The following SCAMP5 variants were observed in gnomAD, a reference collection of about 807,000 sequenced individuals.
SCAMP5 encodes secretory carrier membrane protein 5.
SCAMP5 carries 7 observed loss-of-function variants against 28.3 expected under a neutral mutation model. The ratio of observed to expected loss-of-function variants is 0.25; its 90% CI spans 0.14 to 0.46. SCAMP5 has a LOEUF of 0.46. Among genes scored for constraint, SCAMP5 ranks in the 20% least tolerant of loss-of-function variants. The pLI, the probability that SCAMP5 is intolerant of heterozygous loss-of-function variation, is 0.99. For missense variants in SCAMP5, 192 were observed against 312.5 expected, an observed-to-expected ratio of 0.61 and a Z score of 2.91; for synonymous variants, 117 against 116.4, an observed-to-expected ratio of 1.00 and a Z score of -0.03.
intron 1 of SCAMP5, among the ~76,000 whole-genome samples, chr15:75,003,234 A>C (rs1189332126): frequency 6.6e-6 from 1 of 152,170 alleles, no homozygotes; most frequent in Non-Finnish European, 1.5e-5. Flanking sequence ...GCAAATTGGC[A>C]ATGTTTTTTC....
intron 1 of SCAMP5, among the ~76,000 whole-genome samples, chr15:74,997,956 G>A (rs925708404): frequency 6.6e-6 from 1 of 152,118 alleles, no homozygotes; most frequent in Admixed American, 6.5e-5. Flanking sequence ...GGTTGGCTCT[G>A]GGCAGCAAAA....
intron 3 of SCAMP5, among the ~76,000 whole-genome samples, chr15:75,014,557 G>A (rs542380304): frequency 1.3e-5 from 2 of 152,318 alleles, no homozygotes; most frequent in East Asian, 3.9e-4. Context: ...TCCTCATGGG[G>A]TCCCCTTTTT....
intron 1 of SCAMP5, among the ~76,000 whole-genome samples, chr15:75,006,906 C>T (rs900147903): frequency 2.6e-5 from 4 of 152,090 alleles, no homozygotes; most frequent in Non-Finnish European, 4.4e-5. Flanking sequence ...CATGCTGCTG[C>T]ACTCCAGCCT....
rs938405851 is a variant in SCAMP5, at chr15:75,020,604, C to G, written c.*1621C>G. 2.0e-5 allele frequency: 3 copies of G among 152,276 alleles called. No homozygotes were observed. Among genetic ancestry groups the G allele is most frequent in the African/African-American group, 7.2e-5 (3 of 41,436 alleles). 9.4% of individuals were successfully genotyped at this position (152,276 alleles called of 1,614,324 possible). ...TTTAGGCCCGTGGGGCTGTTCTGTT[C>G]CAAGCAGTGTGAGAACATGGCTGGT... On this transcript the variant is annotated 3_prime_UTR_variant, in exon 7 of 7. Transcript: ENST00000425597.
chr15:75,011,378 C>T (rs768711584), intron 1 of SCAMP5, among the ~76,000 whole-genome samples: 2 of 152,166 alleles, frequency 1.3e-5, no homozygotes, highest in Non-Finnish European at 2.9e-5. Context: ...CTGTCTCACT[C>T]ATTCTTCCAG....
intron 1 of SCAMP5, among the ~76,000 whole-genome samples, chr15:75,010,918 C>T (rs2065805628): frequency 6.6e-6 from 1 of 152,136 alleles, no homozygotes; most frequent in African/African-American, 2.4e-5. Flanking sequence ...ATTTAATTTC[C>T]CTGAGGCTGG....
At chr15:75,005,233 C>T (rs113042240) in intron 1 of SCAMP5, among the ~76,000 whole-genome samples, 3,396 of 151,644 alleles carry the variant, frequency 0.022, 114 homozygotes, top group African/African-American at 0.078. Context: ...GAGGCCAATG[C>T]AGGCAGATCA....
chr15:75,018,554 G>C lies in SCAMP5; in HGVS notation c.513+19G>C. 6.6e-7 allele frequency: 1 copy of C among 1,524,752 alleles called. No homozygotes were observed. Among genetic ancestry groups the C allele is most frequent in the South Asian group, 1.1e-5 (1 of 89,468 alleles). The allele number at this position is 1,524,752 out of a possible 1,614,324, so 94.5% of individuals were successfully genotyped here. A position where few individuals can be genotyped will look rare whatever the true frequency, so the allele number is the denominator to read the frequency against. The stretch of plus-strand genomic sequence containing the variant: ...CAGCATGGTACGTGGTCCCCTCAAG[G>C]GTGAGAAGGTGGCTTTGGGAAGGGG... On this transcript the variant is annotated intron_variant, in intron 6 of 6. Coordinates refer to ENST00000425597, the MANE Select transcript of SCAMP5 (RefSeq NM_138967.4). The surrounding 1 kb of genome is among the most constrained non-coding windows in gnomAD (Gnocchi z 5.6).
chr15:75,001,869 C>CAAAA (rs769760180), intron 1 of SCAMP5, among the ~76,000 whole-genome samples: 17 of 40,452 alleles, frequency 4.2e-4, no homozygotes, highest in East Asian at 1.2e-3. Flanking sequence ...GACTCGGTCT[C>CAAAA]AAAAAAAAAA....
chr15:75,000,281 T>C (rs2065691401), intron 1 of SCAMP5, among the ~76,000 whole-genome samples: 1 of 152,196 alleles, frequency 6.6e-6, no homozygotes, highest in South Asian at 2.1e-4. Flanking sequence ...TCATAGCTCA[T>C]TGTAGCATCC....
chr15:75,003,174 C>T (rs1241028954), intron 1 of SCAMP5, among the ~76,000 whole-genome samples: 2 of 152,204 alleles, frequency 1.3e-5, no homozygotes, highest in African/African-American at 2.4e-5. Context: ...CCGTCCATCT[C>T]GGCCTCTCAA....
chr15:75,019,019 A>T lies in SCAMP5; in HGVS notation c.*36A>T, dbSNP rs750242162. On this transcript the variant is annotated 3_prime_UTR_variant, in exon 7 of 7. Transcript: ENST00000425597. ...CCTACCAGGTGGCAGAGCTGGGGCC[A>T]TTGGGACAGGGGGCTCAAGCCACAT... The T allele has an allele frequency of 7.0e-7, 1 of 1,422,694 alleles. No homozygotes were observed. Among genetic ancestry groups the T allele is most frequent in the East Asian group, 2.5e-5 (1 of 40,134 alleles). 88.1% of individuals were successfully genotyped at this position (1,422,694 alleles called of 1,614,324 possible).
At chr15:75,017,994 G>T in intron 5 of SCAMP5, 23 bp downstream of exon 5, 8 of 1,453,722 alleles carry the variant, frequency 5.5e-6, no homozygotes, top group Non-Finnish European at 7.7e-6. Context: ...GGTGTGGCCT[G>T]GGGCTGGCAG....
At chr15:75,008,646 TATGCCATCATGCCTGGCTAA>T (rs1346876054) in intron 1 of SCAMP5, among the ~76,000 whole-genome samples, 2 of 152,034 alleles carry the variant, frequency 1.3e-5, no homozygotes, top group East Asian at 3.9e-4. Flanking sequence ...ATTACAGGCT[TATGCCATCATGCCTGGCTAA>T]TTTTTGTATT....
At chr15:75,000,034 G>A (rs148723998) in intron 1 of SCAMP5, among the ~76,000 whole-genome samples, 41 of 152,260 alleles carry the variant, frequency 2.7e-4, no homozygotes, top group African/African-American at 8.4e-4. Flanking sequence ...TTCTATATAC[G>A]TTAAAAATGA....
chr15:75,005,044 G>A (rs1159258014), intron 1 of SCAMP5, among the ~76,000 whole-genome samples: 8 of 151,876 alleles, frequency 5.3e-5, no homozygotes, highest in Non-Finnish European at 1.0e-4. Context: ...GTGTGGTGGC[G>A]TGCGCCTGTA....
In SCAMP5 at chr15:75,019,140, T is replaced by C. The variant is rs1486837575; in HGVS notation, c.*157T>C. On this transcript the variant is annotated 3_prime_UTR_variant, in exon 7 of 7. Transcript: ENST00000425597. The stretch of plus-strand genomic sequence containing the variant: ...AGTTATATATATATATATATGTATA[T>C]GTCTGTACCCCAGCCCCCACCTTTC... 4.5e-6 allele frequency: 2 copies of C among 447,144 alleles called. No homozygotes were observed. Among genetic ancestry groups the C allele is most frequent in the Non-Finnish European group, 7.7e-6 (2 of 258,392 alleles). 27.7% of individuals were successfully genotyped at this position (447,144 alleles called of 1,614,324 possible). A position where few individuals can be genotyped will look rare whatever the true frequency, so the allele number is the denominator to read the frequency against.
intron 2 of SCAMP5, among the ~76,000 whole-genome samples, chr15:75,012,179 A>G (rs544957539): frequency 4.1e-4 from 62 of 152,086 alleles, no homozygotes; most frequent in African/African-American, 1.3e-3. Context: ...GGCCTTTTTT[A>G]TCTGGTTCAG....
intron 4 of SCAMP5, among the ~76,000 whole-genome samples, chr15:75,017,051 T>C (rs2065866051): frequency 6.6e-6 from 1 of 152,042 alleles, no homozygotes; most frequent in African/African-American, 2.4e-5. Context: ...GCATGTTAAA[T>C]TTTGCCTGTG....
Sources: allele counts gnomAD v4.1 joint callset (sites outside exome capture counted in the v4.1 genomes callset), GRCh38; gene constraint gnomAD v4.1.1; non-coding constraint Gnocchi (gnomAD v3.1); transcripts MANE v1.5; gene names NCBI Gene and HGNC (gene_info 2026-07-23, HGNC 2026-07-21).